UGGT2: variants seen among roughly 807,000 people sequenced by gnomAD.
UGGT2 encodes the protein UDP-glucose glycoprotein glucosyltransferase 2.
In UGGT2, 180 loss-of-function variants were observed where a neutral mutation model predicts 192.1. The ratio of observed to expected loss-of-function variants is 0.94; its 90% CI spans 0.83 to 1.06. UGGT2 has a LOEUF of 1.06. UGGT2 is among the 50% of genes least tolerant of loss of function. UGGT2 has a pLI of 0.00. For synonymous variants in UGGT2, 580 were observed against 591.0 expected (o/e 0.98, Z 0.27); for missense variants, 1,849 against 1,795.7 (o/e 1.03, Z -0.54).
intron 20 of UGGT2, among the ~76,000 whole-genome samples, chr13:95,905,166 G>A (rs1397873385): frequency 2.0e-5 from 3 of 152,126 alleles, no homozygotes; most frequent in African/African-American, 7.2e-5. Flanking sequence ...GTGTAAATTT[G>A]TTTGCATTCA....
intron 20 of UGGT2, among the ~76,000 whole-genome samples, chr13:95,922,171 G>A (rs1259176481): frequency 6.6e-6 from 1 of 152,214 alleles, no homozygotes; most frequent in African/African-American, 2.4e-5. Context: ...GGCTCGGCTG[G>A]AGGCCATTAT....
At chr13:95,933,994 A>T (rs2049377779) in intron 17 of UGGT2, among the ~76,000 whole-genome samples, 1 of 152,090 alleles carries the variant, frequency 6.6e-6, no homozygotes, top group African/African-American at 2.4e-5. Context: ...ATAGTTCTAA[A>T]TTTTTGAGAT....
chr13:95,966,213 A>T (rs1002746133), intron 12 of UGGT2, among the ~76,000 whole-genome samples: 3 of 152,234 alleles, frequency 2.0e-5, no homozygotes, highest in African/African-American at 7.2e-5. Context: ...TTATTTGGCC[A>T]CAGAAAAGAA....
intron 4 of UGGT2, among the ~76,000 whole-genome samples, chr13:96,022,304 A>G (rs928735557): frequency 5.9e-5 from 9 of 152,102 alleles, no homozygotes; most frequent in Non-Finnish European, 1.0e-4. Flanking sequence ...AGAAAGAATT[A>G]GTAAAATCTC....
chr13:96,047,605 G>A (rs949335434), intron 1 of UGGT2, among the ~76,000 whole-genome samples: 1 of 152,124 alleles, frequency 6.6e-6, no homozygotes, highest in South Asian at 2.1e-4. Flanking sequence ...ATGTGAGAGA[G>A]ACACACATAG....
At position 95,987,081 on chromosome 13, in the gene UGGT2, T is replaced by C. The variant is rs891109619; in HGVS notation, c.932-649A>G. On this transcript the variant is annotated intron_variant, in intron 8 of 38. Coordinates refer to ENST00000376747, the MANE Select transcript of UGGT2 (RefSeq NM_020121.4). ...CTACCTCAACAGTGAGGCAGATTGT[T>C]TCTCCTTTAGCTTAAGGACAGGATA... is the stretch of plus-strand genomic sequence containing the variant. Among the ~76,000 whole-genome samples the C allele has an allele frequency of 2.6e-5, 4 of 152,252 alleles. 1 individual carries two copies. Among genetic ancestry groups the C allele is most frequent in the South Asian group, 4.1e-4 (2 of 4,828 alleles).
intron 1 of UGGT2, among the ~76,000 whole-genome samples, chr13:96,039,291 T>C (rs1472221868): frequency 1.3e-5 from 2 of 152,226 alleles, no homozygotes; most frequent in Non-Finnish European, 2.9e-5. Context: ...TCTTTCATTT[T>C]GTCTTGTCTC....
chr13:95,873,070 A>C (rs78283978), intron 29 of UGGT2, among the ~76,000 whole-genome samples: 236 of 152,356 alleles, frequency 1.5e-3, no homozygotes, highest in African/African-American at 5.2e-3. Context: ...GATTTGCCTC[A>C]CAATTCATAT....
chr13:95,910,094 C>T (rs1011984908), intron 20 of UGGT2, among the ~76,000 whole-genome samples: 2 of 152,108 alleles, frequency 1.3e-5, no homozygotes, highest in Non-Finnish European at 2.9e-5. Context: ...GAAGGAAGCA[C>T]TAAACATGGA....
Position 95,877,861 on chromosome 13 carries a change from G to T in UGGT2, c.3229-5C>A, listed in dbSNP as rs1298914288. ...TGCTGTAACAGTTTTCTCAGTCTGT[G>T]GAGGAAGTATGTCATTGTTTTTGGT... On this transcript the variant is annotated splice_region_variant and splice_polypyrimidine_tract_variant and intron_variant, in intron 27 of 38. Coordinates refer to ENST00000376747, the MANE Select transcript of UGGT2 (RefSeq NM_020121.4). 6.2e-7 allele frequency: 1 copy of T among 1,608,366 alleles called. No homozygotes were observed. Among genetic ancestry groups the T allele is most frequent in the Non-Finnish European group, 8.5e-7 (1 of 1,177,552 alleles).
intron 1 of UGGT2, among the ~76,000 whole-genome samples, chr13:96,044,158 TCAAA>T (rs2053242617): frequency 1.3e-5 from 2 of 152,096 alleles, no homozygotes; most frequent in Admixed American, 1.3e-4. Flanking sequence ...TGACATTATA[TCAAA>T]CACTCTCTCA....
intron 26 of UGGT2, 67 bp downstream of exon 26, chr13:95,887,825 A>G: frequency 1.0e-6 from 1 of 981,050 alleles, no homozygotes; most frequent in Admixed American, 2.2e-5. Flanking sequence ...TCCAGTAACA[A>G]TGATTGTTTT....
intron 4 of UGGT2, among the ~76,000 whole-genome samples, chr13:96,015,590 T>C (rs2052310279): frequency 6.6e-6 from 1 of 152,074 alleles, no homozygotes; most frequent in African/African-American, 2.4e-5. Flanking sequence ...ATTAAATAAT[T>C]ATATTTAAAA....
chr13:95,911,470 A>T (rs1161182793), intron 20 of UGGT2, among the ~76,000 whole-genome samples: 1 of 152,210 alleles, frequency 6.6e-6, no homozygotes, highest in African/African-American at 2.4e-5. Flanking sequence ...TACGCAAATA[A>T]ACTAGAAAAT....
chr13:96,034,458 C>G (rs972850994), intron 1 of UGGT2, among the ~76,000 whole-genome samples: 4 of 152,202 alleles, frequency 2.6e-5, no homozygotes, highest in Non-Finnish European at 5.9e-5. Context: ...CCTGAACATG[C>G]AACAAGAACT....
chr13:95,902,884 A>G lies in UGGT2; in HGVS notation c.2472T>C (p.Ser824=). 6.2e-7 allele frequency: 1 copy of G among 1,613,340 alleles called. No homozygotes were observed. The highest frequency in any genetic ancestry group is 8.5e-7 in the Non-Finnish European group (1 of 1,179,554). Residue 824 remains serine (S), a synonymous_variant, in exon 21 of 39, where the codon TCT becomes TCC. Transcript: ENST00000376747. ...AKEEIATAIY[S]GDKIKTFLIE... is the part of the protein sequence containing the mutation. ...TAAGGAATGTTTTAATTTTATCTCC[A>G]GAGTAAATAGCTGTAGCAATTTCTT...
At chr13:96,022,718 T>TTA (rs2052551148) in intron 4 of UGGT2, among the ~76,000 whole-genome samples, 1 of 151,954 alleles carries the variant, frequency 6.6e-6, no homozygotes. Context: ...GATTACTTTG[T>TTA]TATTCCCCAG....
At position 95,902,871 on chromosome 13, in the gene UGGT2, T is replaced by C. The variant is rs755736576; in HGVS notation, c.2485A>G (p.Lys829Glu). The C allele has an allele frequency of 2.5e-6, 4 of 1,612,850 alleles. No individual in the cohort carries two copies. Among genetic ancestry groups the C allele is most frequent in the Admixed American group, 1.7e-5 (1 of 59,896 alleles). Residue 829 changes from lysine to glutamate, a missense_variant, in exon 21 of 39, where the codon AAA (lysine) becomes GAA (glutamate). Coordinates refer to ENST00000376747, the MANE Select transcript of UGGT2 (RefSeq NM_020121.4). Reference protein sequence around the residue: ...ATAIYSGDKIKTFLIEGMDKN... With the variant: ...ATAIYSGDKIETFLIEGMDKN... Reference sequence around the variant, plus strand: ...CTACTGACCTCAATAAGGAATGTTTTAATTTTATCTCCAGAGTAAATAGCT... The same window carrying C: ...CTACTGACCTCAATAAGGAATGTTTCAATTTTATCTCCAGAGTAAATAGCT...
intron 24 of UGGT2, among the ~76,000 whole-genome samples, chr13:95,892,189 C>CT (rs2047820605): frequency 6.6e-6 from 1 of 152,224 alleles, no homozygotes; most frequent in South Asian, 2.1e-4. Context: ...TTTACTGCTG[C>CT]TTTTTTCTCC....
Sources: gnomAD v4.1 joint callset for allele counts (sites outside exome capture counted in the v4.1 genomes callset) on GRCh38, gnomAD v4.1.1 for gene constraint, MANE v1.5 for transcripts, NCBI Gene and HGNC (gene_info 2026-07-23, HGNC 2026-07-21) for gene names.